Variants in ZBTB38 observed in about 807,000 individuals in gnomAD.
ZBTB38 encodes the protein zinc finger and BTB domain-containing protein 38.
Under a neutral mutation model 76.8 loss-of-function variants are expected in ZBTB38, and 20 were observed. The observed-to-expected ratio is 0.26, with a 90% CI of 0.18 to 0.38. ZBTB38 has a LOEUF of 0.38. Among genes scored for constraint, ZBTB38 ranks in the 10% least tolerant of loss-of-function variants. ZBTB38 has a pLI of 1.00. For synonymous variants in ZBTB38, 504 were observed against 544.2 expected (o/e 0.93, Z 1.03); for missense variants, 1,082 against 1,482.3 (o/e 0.73, Z 4.43).
chr3:141,331,203 A>T (rs925243886), intron 1 of ZBTB38, among the ~76,000 whole-genome samples: 1 of 152,236 alleles, frequency 6.6e-6, no homozygotes, highest in South Asian at 2.1e-4. Context: ...CTGTTGAAGC[A>T]TGCACTATGC....
At chr3:141,378,476 C>T (rs952765011) in intron 2 of ZBTB38, among the ~76,000 whole-genome samples, 2 of 152,194 alleles carry the variant, frequency 1.3e-5, no homozygotes, top group Non-Finnish European at 2.9e-5. Context: ...AGTACTACAG[C>T]GATGTAAGAC....
At chr3:141,325,567 A>G (rs1942648018) in intron 1 of ZBTB38, among the ~76,000 whole-genome samples, 1 of 152,228 alleles carries the variant, frequency 6.6e-6, no homozygotes, top group African/African-American at 2.4e-5. Context: ...AAGTCACTAT[A>G]TTTGTATACT....
chr3:141,354,011 C>T (rs558811978), intron 1 of ZBTB38, among the ~76,000 whole-genome samples: 3 of 152,288 alleles, frequency 2.0e-5, no homozygotes, highest in Non-Finnish European at 4.4e-5. Flanking sequence ...TTCTTCAACT[C>T]AGGCCCTCTT....
upstream of ZBTB38, chr3:141,366,739 GGT>G (rs1370789215): frequency 6.6e-6 from 1 of 152,116 alleles, no homozygotes; most frequent in African/African-American, 2.4e-5. Flanking sequence ...GAAAGCTGTG[GGT>G]GTGTTATCAA....
intron 1 of ZBTB38, among the ~76,000 whole-genome samples, chr3:141,340,500 G>T (rs1943140990): frequency 1.3e-5 from 2 of 152,260 alleles, no homozygotes; most frequent in South Asian, 2.1e-4. Context: ...AAAGAGACTT[G>T]TATTTAGAAT....
At chr3:141,394,442 A>C (rs1368874704) in intron 4 of ZBTB38, 2 of 152,204 alleles carry the variant, frequency 1.3e-5, no homozygotes, top group Non-Finnish European at 2.9e-5. Context: ...TCTGAATTAA[A>C]CATTAAATGA....
intron 1 of ZBTB38, among the ~76,000 whole-genome samples, chr3:141,340,893 T>C (rs1943152917): frequency 1.7e-5 from 1 of 58,204 alleles, no homozygotes; most frequent in African/African-American, 1.4e-4. Context: ...CAAGACTCTG[T>C]CTCCAAAAAA....
At chr3:141,439,243 G>A (rs1397279153) in intron 5 of ZBTB38, among the ~76,000 whole-genome samples, 1 of 152,122 alleles carries the variant, frequency 6.6e-6, no homozygotes. Context: ...CCCAAGTACT[G>A]TGTCTGACCA....
At chr3:141,395,468 A>G (rs75754337) in intron 4 of ZBTB38, among the ~76,000 whole-genome samples, 1 of 152,316 alleles carries the variant, frequency 6.6e-6, no homozygotes, top group East Asian at 1.9e-4. Context: ...AGTCTAAATC[A>G]ATGGCCTTCT....
chr3:141,356,493 C>T (rs1463098999), intron 1 of ZBTB38, among the ~76,000 whole-genome samples: 4 of 152,206 alleles, frequency 2.6e-5, no homozygotes, highest in Admixed American at 6.5e-5. Flanking sequence ...GGTATTTGGT[C>T]GACCATAAAG....
chr3:141,337,520 A>G (rs909965933), intron 1 of ZBTB38, among the ~76,000 whole-genome samples: 7 of 152,232 alleles, frequency 4.6e-5, no homozygotes, highest in East Asian at 1.9e-4. Context: ...TGAACATAGT[A>G]TCTCTAAGCC....
chr3:141,438,792 T>C (rs978660913), intron 5 of ZBTB38, among the ~76,000 whole-genome samples: 1 of 152,144 alleles, frequency 6.6e-6, no homozygotes, highest in African/African-American at 2.4e-5. Flanking sequence ...GGGCCCTTTA[T>C]GATCTGGTCT....
In ZBTB38 at chr3:141,431,339, A is replaced by ATAT. The variant is rs35348152; in HGVS notation, c.1-11050_1-11049insTAT. 8.1e-4 allele frequency among the ~76,000 whole-genome samples: 83 copies of ATAT among 102,406 alleles called. 1 individual carries two copies. The highest frequency in any genetic ancestry group is 4.2e-3 in the African/African-American group (66 of 15,848). The allele number at this position is 102,406 out of a possible 152,430, so 67.2% of individuals were successfully genotyped here. Reference sequence around the variant, plus strand: ...ACTTCGTCTCAAAAAAAAAAAAAAAAAAATATATATATATATTTGGGGGGG... The same window carrying ATAT: ...ACTTCGTCTCAAAAAAAAAAAAAAAATATAAATATATATATATATTTGGGGGGG... On this transcript the variant is annotated intron_variant, in intron 5 of 5. Transcript: ENST00000321464.
upstream of ZBTB38, chr3:141,366,165 C>T (rs1311063811): frequency 3.9e-5 from 6 of 152,230 alleles, no homozygotes; most frequent in Non-Finnish European, 5.9e-5. Context: ...GAGCATATAA[C>T]CCAAGAATCT....
At chr3:141,381,760 A>G (rs1946227990) in intron 3 of ZBTB38, among the ~76,000 whole-genome samples, 1 of 152,164 alleles carries the variant, frequency 6.6e-6, no homozygotes, top group South Asian at 2.1e-4. Context: ...TCAGCTGGCC[A>G]CCTACACCAG....
chr3:141,368,120 C>A (rs955338232), upstream of ZBTB38, among the ~76,000 whole-genome samples: 2 of 152,218 alleles, frequency 1.3e-5, no homozygotes, highest in African/African-American at 4.8e-5. Flanking sequence ...GTGGGCACCA[C>A]ACAGAAGAAG....
chr3:141,361,997 C>T (rs987049813), intron 1 of ZBTB38, among the ~76,000 whole-genome samples: 4 of 152,096 alleles, frequency 2.6e-5, no homozygotes, highest in African/African-American at 9.7e-5. Context: ...ATTATAAAAT[C>T]GAAACGAAAG....
upstream of ZBTB38, among the ~76,000 whole-genome samples, chr3:141,368,032 A>C (rs749476458): frequency 2.6e-4 from 40 of 152,338 alleles, no homozygotes; most frequent in Admixed American, 2.0e-4. Context: ...GACCACCAGG[A>C]GCTGCCCGGG....
intron 5 of ZBTB38, among the ~76,000 whole-genome samples, chr3:141,419,359 T>G (rs1451650179): frequency 7.2e-5 from 11 of 152,184 alleles, no homozygotes; most frequent in Non-Finnish European, 4.4e-5. Flanking sequence ...ACATATGTAG[T>G]TTTTTTGAGT....
Sources: gnomAD v4.1 joint callset for allele counts (sites outside exome capture counted in the v4.1 genomes callset) on GRCh38, gnomAD v4.1.1 for gene constraint, MANE v1.5 for transcripts, NCBI Gene and HGNC (gene_info 2026-07-23, HGNC 2026-07-21) for gene names.